The following CFAP91 variants were observed in gnomAD, a reference collection of about 807,000 sequenced individuals.
The protein encoded by CFAP91 is cilia and flagella associated protein 91.
A neutral mutation model predicts 95.9 loss-of-function variants in CFAP91; 85 were observed. The ratio of observed to expected loss-of-function variants is 0.89; its 90% CI spans 0.74 to 1.06. The LOEUF is 1.06. CFAP91 is among the 50% of genes least tolerant of loss of function. The pLI is 0.00. For synonymous variants in CFAP91, 335 were observed against 327.5 expected (o/e 1.02, Z -0.25); for missense variants, 962 against 943.4 (o/e 1.02, Z -0.26).
intron 1 of CFAP91, 29 bp downstream of exon 1, chr3:119,703,251 G>T (rs1338823421): frequency 6.2e-7 from 1 of 1,608,374 alleles, no homozygotes. Context: ...CTTCCTCCGC[G>T]TCCGTCGCCT....
chr3:119,732,955 C>G (rs549715337), intron 9 of CFAP91, among the ~76,000 whole-genome samples: 1 of 152,300 alleles, frequency 6.6e-6, no homozygotes, highest in East Asian at 1.9e-4. Context: ...ATCACATGGC[C>G]AAGATCATGA....
chr3:119,712,563 A>G lies in CFAP91; in HGVS notation c.500+2668A>G, dbSNP rs191022533. 6.6e-4 allele frequency among the ~76,000 whole-genome samples: 100 copies of G among 152,354 alleles called. 1 individual carries two copies. Among genetic ancestry groups the G allele is most frequent in the Non-Finnish European group, 1.2e-4 (8 of 68,038 alleles). Reference sequence around the variant, plus strand: ...TTCAACTAGAATTTTATAGTAGAATAATTTCTACTGAAAACATAAGAAGCC... The same window carrying G: ...TTCAACTAGAATTTTATAGTAGAATGATTTCTACTGAAAACATAAGAAGCC... On this transcript the variant is annotated intron_variant, in intron 5 of 17. Transcript: ENST00000273390.
chr3:119,750,528 T>C (rs1341529676), intron 16 of CFAP91: 2 of 196,024 alleles, frequency 1.0e-5, no homozygotes, highest in Non-Finnish European at 2.1e-5. Flanking sequence ...TAGGTCTTTA[T>C]ATTTGTAAGT....
chr3:119,744,146 C>T lies in CFAP91; in HGVS notation c.1852C>T (p.Arg618Cys), dbSNP rs1423382298. The T allele has an allele frequency of 6.2e-7, 1 of 1,613,544 alleles. No homozygotes were observed. The highest frequency in any genetic ancestry group is 1.3e-5 in the African/African-American group (1 of 74,868). ...RVREAEESGR[R>C]QVEKQRLREE... Reference sequence around the variant, plus strand: ...ACGAGAGGCTGAAGAGAGTGGTCGGCGCCAGGTGGAAAAACAGCGCCTGCG... The same window carrying T: ...ACGAGAGGCTGAAGAGAGTGGTCGGTGCCAGGTGGAAAAACAGCGCCTGCG... The change falls in exon 14 of 18, where the codon CGC becomes TGC. Residue 618 changes from arginine (R) to cysteine (C), a missense_variant. Physicochemically the swap from Arg to Cys is radical, Grantham distance 180. Coordinates refer to ENST00000273390, the MANE Select transcript of CFAP91 (RefSeq NM_033364.4).
chr3:119,732,627 G>A, intron 9 of CFAP91, 151 bp downstream of exon 9: 2 of 598,110 alleles, frequency 3.3e-6, no homozygotes, highest in Non-Finnish European at 5.7e-6. Flanking sequence ...AAACTACTAA[G>A]ACCCAAATAA....
chr3:119,710,715 T>C (rs1354408246), intron 5 of CFAP91, among the ~76,000 whole-genome samples: 3 of 152,244 alleles, frequency 2.0e-5, no homozygotes, highest in South Asian at 2.1e-4. Flanking sequence ...ATTTTTTGAA[T>C]GCTAGAATTT....
chr3:119,707,469 T>C lies in CFAP91; in HGVS notation c.267T>C (p.Tyr89=). 1 of 1,597,424 alleles carries C rather than the reference T, an allele frequency of 6.3e-7. No individual in the cohort carries two copies. The highest frequency in any genetic ancestry group is 8.6e-7 in the Non-Finnish European group (1 of 1,168,532). The change falls in exon 3 of 18, where the codon TAT becomes TAC. Residue 89 remains tyrosine, a synonymous_variant. Transcript: ENST00000273390. ...TCCATTATCCAAGATATTCTCTATA[T>C]TGGAGCAAGTCAGATCCTGTCCCAC... ...NLIHYPRYSL[Y]WSKSDPVPPF...
chr3:119,749,706 G>A lies in CFAP91; in HGVS notation c.2144-1231G>A, dbSNP rs561945921. On this transcript the variant is annotated intron_variant, in intron 16 of 17. Coordinates refer to ENST00000273390, the MANE Select transcript of CFAP91 (RefSeq NM_033364.4). ...ATCAAAAAAGCCATATGAACAGGGAGCACACTAGGACCTTTTTCTCTCTGT... is the reference window on the plus strand; with the variant it reads ...ATCAAAAAAGCCATATGAACAGGGAACACACTAGGACCTTTTTCTCTCTGT... Among the ~76,000 whole-genome samples, 19 of 152,204 alleles carry A rather than the reference G, an allele frequency of 1.2e-4. No homozygotes were observed. In the South Asian group the frequency reaches 3.5e-3, roughly 28 times the overall value.
intron 1 of CFAP91, among the ~76,000 whole-genome samples, chr3:119,703,798 CCTT>C (rs1218786218): frequency 6.6e-6 from 1 of 152,138 alleles, no homozygotes; most frequent in Non-Finnish European, 1.5e-5. Context: ...TCTCCACGCT[CCTT>C]GAGTTCCTTA....
At chr3:119,704,108 A>T (rs765135104) in intron 1 of CFAP91, among the ~76,000 whole-genome samples, 12 of 152,202 alleles carry the variant, frequency 7.9e-5, no homozygotes, top group Non-Finnish European at 1.3e-4. Context: ...TATTCTGGCC[A>T]GTGTTTTTCT....
chr3:119,707,061 G>A, intron 2 of CFAP91, 176 bp downstream of exon 2: 13 of 570,916 alleles, frequency 2.3e-5, no homozygotes, highest in East Asian at 5.7e-5. Flanking sequence ...CTCATTGTGA[G>A]GATTAAGTCA....
At chr3:119,725,037 G>A (rs972222077) in intron 6 of CFAP91, among the ~76,000 whole-genome samples, 1 of 152,200 alleles carries the variant, frequency 6.6e-6, no homozygotes, top group Admixed American at 6.5e-5. Flanking sequence ...ACTGTACGTG[G>A]TAGAAATATG....
intron 17 of CFAP91, among the ~76,000 whole-genome samples, chr3:119,763,656 A>G (rs146348851): frequency 4.5e-4 from 68 of 152,212 alleles, no homozygotes; most frequent in African/African-American, 1.6e-3. Flanking sequence ...ATTTGCAGCA[A>G]CATGTCTGAA....
intron 16 of CFAP91, 115 bp downstream of exon 16, chr3:119,748,017 T>C: frequency 1.3e-6 from 1 of 765,066 alleles, no homozygotes; most frequent in Non-Finnish European, 2.1e-6. Flanking sequence ...GGAGGATCAC[T>C]GAGTTTTCTT....
chr3:119,706,188 C>T (rs2053357214), intron 1 of CFAP91: 1 of 152,236 alleles, frequency 6.6e-6, no homozygotes, highest in African/African-American at 2.4e-5. Context: ...TTCTTCATCA[C>T]TTTAAAGATA....
At chr3:119,723,063 T>A (rs2053717249) in intron 6 of CFAP91, among the ~76,000 whole-genome samples, 1 of 152,230 alleles carries the variant, frequency 6.6e-6, no homozygotes, top group South Asian at 2.1e-4. Flanking sequence ...ACTTTTCATC[T>A]TCTCTTCCCA....
chr3:119,711,160 A>G (rs988797017), intron 5 of CFAP91, among the ~76,000 whole-genome samples: 5 of 152,224 alleles, frequency 3.3e-5, no homozygotes, highest in South Asian at 2.1e-4. Flanking sequence ...GTAATCCTCA[A>G]GATAAATGCT....
chr3:119,754,093 A>G (rs1253583584), intron 17 of CFAP91, among the ~76,000 whole-genome samples: 1 of 152,224 alleles, frequency 6.6e-6, no homozygotes, highest in Non-Finnish European at 1.5e-5. Context: ...AGAAGCTGGA[A>G]GAGTTTTGAG....
At chr3:119,753,873 A>T (rs548942276) in intron 17 of CFAP91, among the ~76,000 whole-genome samples, 1 of 152,346 alleles carries the variant, frequency 6.6e-6, no homozygotes, top group East Asian at 1.9e-4. Flanking sequence ...TTGTGATTAG[A>T]CACAGTCTTT....
Sources: allele counts gnomAD v4.1 joint callset (sites outside exome capture counted in the v4.1 genomes callset), GRCh38; gene constraint gnomAD v4.1.1; transcripts MANE v1.5; gene names NCBI Gene and HGNC (gene_info 2026-07-23, HGNC 2026-07-21).